Variants in PJA2 observed in about 807,000 individuals in gnomAD.
The protein encoded by PJA2 is E3 ubiquitin-protein ligase Praja-2.
PJA2 carries 25 observed loss-of-function variants against 69.3 expected under a neutral mutation model. The observed-to-expected ratio is 0.36, with a 90% CI of 0.26 to 0.50. The LOEUF (loss-of-function observed/expected upper bound fraction) is 0.50, where lower values mean the gene tolerates loss of function less well. Among genes scored for constraint, PJA2 ranks in the 20% least tolerant of loss-of-function variants. The probability of loss-of-function intolerance (pLI) is 0.96; values close to 1 mark genes in which losing one functional copy is unlikely to be tolerated. For missense variants in PJA2, 809 were observed against 830.2 expected, an observed-to-expected ratio of 0.97 and a Z score of 0.31; for synonymous variants, 308 against 277.8, an observed-to-expected ratio of 1.11 and a Z score of -1.08.
intron 5 of PJA2, among the ~76,000 whole-genome samples, chr5:109,364,873 T>A (rs1265799560): frequency 6.6e-6 from 1 of 152,130 alleles, no homozygotes; most frequent in African/African-American, 2.4e-5. Flanking sequence ...AGCCCTTAAA[T>A]ATATAAAGAG....
intron 3 of PJA2, among the ~76,000 whole-genome samples, chr5:109,380,125 G>A (rs1447468699): frequency 9.3e-6 from 1 of 107,396 alleles, no homozygotes; most frequent in Non-Finnish European, 1.7e-5. Flanking sequence ...ACGGAGTCTT[G>A]CTCTGTGGCC....
chr5:109,344,415 A>T, intron 8 of PJA2, 104 bp from the exon 9 acceptor site: 1 of 1,262,212 alleles, frequency 7.9e-7, no homozygotes. Flanking sequence ...AAGACGAAAG[A>T]GCCAGTCTTT....
intron 3 of PJA2, 111 bp from the exon 4 acceptor site, chr5:109,379,365 T>C (rs1359597132): frequency 1.4e-5 from 11 of 759,836 alleles, no homozygotes; most frequent in South Asian, 3.8e-5. Context: ...CTTGAATACA[T>C]GAGTAAATTT....
intron 1 of PJA2, among the ~76,000 whole-genome samples, chr5:109,386,144 T>C (rs1747151276): frequency 6.6e-6 from 1 of 151,624 alleles, no homozygotes; most frequent in African/African-American, 2.4e-5. Context: ...AGTTTCAGAT[T>C]TTGGAACATT....
chr5:109,342,405 G>A (rs1762086484), intron 9 of PJA2, among the ~76,000 whole-genome samples: 8 of 119,604 alleles, frequency 6.7e-5, no homozygotes, highest in African/African-American at 1.7e-4. Context: ...CCGGCCAGCC[G>A]CCCGGTCCGG....
chr5:109,391,018 G>A (rs951996026), intron 1 of PJA2, among the ~76,000 whole-genome samples: 3 of 152,054 alleles, frequency 2.0e-5, no homozygotes, highest in African/African-American at 7.2e-5. Context: ...TTAAAATGGG[G>A]TTACGCCCTG....
At chr5:109,408,080 A>G (rs1747731297) in intron 1 of PJA2, among the ~76,000 whole-genome samples, 2 of 152,208 alleles carry the variant, frequency 1.3e-5, no homozygotes, top group African/African-American at 4.8e-5. Context: ...TAAAATATGC[A>G]TAATCTTTTA....
intron 1 of PJA2, among the ~76,000 whole-genome samples, chr5:109,388,892 G>A (rs376353880): frequency 6.6e-6 from 1 of 151,914 alleles, no homozygotes; most frequent in Non-Finnish European, 1.5e-5. Context: ...TTAGACACAC[G>A]GAATTTTGAT....
chr5:109,399,530 C>T (rs1319401034), intron 1 of PJA2, among the ~76,000 whole-genome samples: 1 of 152,200 alleles, frequency 6.6e-6, no homozygotes, highest in Non-Finnish European at 1.5e-5. Context: ...CACAAGGTAA[C>T]ACTAAGCACA....
intron 1 of PJA2, among the ~76,000 whole-genome samples, chr5:109,388,868 A>G (rs1747221877): frequency 6.6e-6 from 1 of 152,136 alleles, no homozygotes; most frequent in Non-Finnish European, 1.5e-5. Flanking sequence ...ATTTCCTTTT[A>G]GTGAATGAAT....
At chr5:109,400,931 C>T (rs1355063190) in intron 1 of PJA2, among the ~76,000 whole-genome samples, 2 of 151,928 alleles carry the variant, frequency 1.3e-5, no homozygotes, top group East Asian at 3.9e-4. Flanking sequence ...TGCAGTGAGC[C>T]GAGATGGCGC....
chr5:109,372,941 A>AAAAAAAAAAAAAAAAAAAG (rs1762700893), intron 4 of PJA2, among the ~76,000 whole-genome samples: 1 of 148,424 alleles, frequency 6.7e-6, no homozygotes, highest in Non-Finnish European at 1.5e-5. Flanking sequence ...GAAAGAAAAA[A>AAAAAAAAAAAAAAAAAAAG]AAATTAGCCA....
intron 1 of PJA2, among the ~76,000 whole-genome samples, chr5:109,401,977 A>T (rs1430169189): frequency 6.6e-6 from 1 of 152,232 alleles, no homozygotes; most frequent in East Asian, 1.9e-4. Context: ...AATTGTAAAT[A>T]TACATTGTAA....
chr5:109,396,989 G>A (rs2052883), intron 1 of PJA2, among the ~76,000 whole-genome samples: 66,118 of 152,086 alleles, frequency 0.43, 17,676 homozygotes, highest in Middle Eastern at 0.6. Flanking sequence ...TCCACATTGC[G>A]GTGGTATTAA....
intron 4 of PJA2, among the ~76,000 whole-genome samples, chr5:109,377,863 AC>A (rs1339592052): frequency 1.3e-5 from 2 of 152,210 alleles, no homozygotes; most frequent in African/African-American, 2.4e-5. Flanking sequence ...CACTTTTTAA[AC>A]CCAGACTGGC....
At position 109,378,692 on chromosome 5, in the gene PJA2, A is replaced by C; in HGVS notation, c.795T>G (p.Val265=). The C allele has an allele frequency of 6.2e-7, 1 of 1,613,888 alleles. No individual in the cohort carries two copies. Among genetic ancestry groups the C allele is most frequent in the South Asian group, 1.1e-5 (1 of 91,076 alleles). ...TAGTATTATTTTGTTGTTTCGTACT[A>C]ACCATTTCATCTTGAGAAGACCTCT... ...EIQRSSQDEM[V]STKQQNNTSQ... The change falls in exon 4 of 10, where the codon GTT becomes GTG. Residue 265 remains valine, a synonymous_variant. Coordinates refer to ENST00000361189, the MANE Select transcript of PJA2 (RefSeq NM_014819.5).
intron 4 of PJA2, among the ~76,000 whole-genome samples, chr5:109,373,568 G>C (rs1289026984): frequency 6.6e-6 from 1 of 152,152 alleles, no homozygotes; most frequent in Non-Finnish European, 1.5e-5. Flanking sequence ...ACTTTTTAAG[G>C]AGTAAGCAAC....
chr5:109,380,796 T>C (rs1378183414), intron 3 of PJA2, among the ~76,000 whole-genome samples: 23 of 109,626 alleles, frequency 2.1e-4, no homozygotes, highest in Non-Finnish European at 3.4e-4. Context: ...CAAAGTAAGA[T>C]TCCATCTCAA....
chr5:109,359,266 CTGTT>C (rs1188659629), intron 6 of PJA2, among the ~76,000 whole-genome samples: 1 of 152,162 alleles, frequency 6.6e-6, no homozygotes, highest in Non-Finnish European at 1.5e-5. Flanking sequence ...TGGCAATCAA[CTGTT>C]TATTTTATTA....
Sources: gnomAD v4.1 joint callset for allele counts (sites outside exome capture counted in the v4.1 genomes callset) on GRCh38, gnomAD v4.1.1 for gene constraint, MANE v1.5 for transcripts, NCBI Gene and HGNC (gene_info 2026-07-23, HGNC 2026-07-21) for gene names.